The following SHROOM4 variants were observed in gnomAD, a reference collection of about 807,000 sequenced individuals.
The protein encoded by SHROOM4 is shroom family member 4.
SHROOM4 carries 17 observed loss-of-function variants against 80.3 expected under a neutral mutation model. That is an observed-to-expected ratio of 0.21 (90% CI 0.14 to 0.32). The LOEUF is 0.32. SHROOM4 is among the 10% of genes least tolerant of loss of function. SHROOM4 has a pLI of 1.00. For missense variants in SHROOM4, 993 were observed against 1,140.3 expected, an observed-to-expected ratio of 0.87 and a Z score of 1.86; for synonymous variants, 400 against 437.5, an observed-to-expected ratio of 0.91 and a Z score of 1.07.
chrX:50,672,114 A>T (rs1557260861), intron 2 of SHROOM4, among the ~76,000 whole-genome samples: 1 of 112,247 alleles, frequency 8.9e-6, no homozygotes, highest in Non-Finnish European at 1.9e-5. Flanking sequence ...TGACAGTTTG[A>T]CATCAATTCA....
rs781811456 is a variant in SHROOM4, at chrX:50,741,025, A to T, written c.118-45088T>A. 1.1e-4 allele frequency among the ~76,000 whole-genome samples: 12 copies of T among 111,240 alleles called. No individual in the cohort carries two copies. The East Asian group carries it at 3.4e-3, about 32-fold the overall frequency. On this transcript the variant is annotated intron_variant, in intron 1 of 8. Coordinates refer to ENST00000376020, the MANE Select transcript of SHROOM4 (RefSeq NM_020717.5). Reference sequence around the variant, plus strand: ...CTGTATGTGGACAACCAGTTTTCCCAACATCATTTATTGAAGAAACTGTCC... The same window carrying T: ...CTGTATGTGGACAACCAGTTTTCCCTACATCATTTATTGAAGAAACTGTCC...
At chrX:50,792,059 A>G (rs1044961532) in intron 1 of SHROOM4, among the ~76,000 whole-genome samples, 1 of 112,068 alleles carries the variant, frequency 8.9e-6, no homozygotes, top group Non-Finnish European at 1.9e-5. Context: ...TGTAGAAGAA[A>G]ATGTGAGGGA....
chrX:50,743,552 A>T (rs1557267409), intron 1 of SHROOM4, among the ~76,000 whole-genome samples: 1 of 110,340 alleles, frequency 9.1e-6, no homozygotes, highest in African/African-American at 3.3e-5. Flanking sequence ...ACCCGGGCTC[A>T]AGCGACCCCC....
At chrX:50,667,263 A>G (rs1481790724) in intron 2 of SHROOM4, among the ~76,000 whole-genome samples, 3 of 112,045 alleles carry the variant, frequency 2.7e-5, no homozygotes, top group Non-Finnish European at 3.8e-5. Context: ...GGTGAGGCAT[A>G]TTCAACATCT....
intron 1 of SHROOM4, among the ~76,000 whole-genome samples, chrX:50,728,126 G>A (rs1231150683): frequency 1.8e-5 from 2 of 111,293 alleles, no homozygotes; most frequent in African/African-American, 6.5e-5. Flanking sequence ...TTGGGAGGCT[G>A]AGGTGGGCGG....
At chrX:50,769,690 G>A (rs1051740084) in intron 1 of SHROOM4, among the ~76,000 whole-genome samples, 1 of 111,403 alleles carries the variant, frequency 9.0e-6, no homozygotes, top group African/African-American at 3.3e-5. Context: ...GAGTCTGTAG[G>A]GCCATCAATA....
At chrX:50,668,071 TC>T (rs1453402054) in intron 2 of SHROOM4, among the ~76,000 whole-genome samples, 5 of 112,013 alleles carry the variant, frequency 4.5e-5, no homozygotes, top group African/African-American at 1.6e-4. Context: ...TAATAAGGTG[TC>T]GCAAATCTCC....
At chrX:50,807,709 T>C (rs1417985121) in intron 1 of SHROOM4, among the ~76,000 whole-genome samples, 2 of 111,426 alleles carry the variant, frequency 1.8e-5, no homozygotes. Flanking sequence ...TCCCCTACGA[T>C]GCATTTACCA....
intron 1 of SHROOM4, among the ~76,000 whole-genome samples, chrX:50,809,885 G>A (rs1425384738): frequency 3.6e-5 from 4 of 112,138 alleles, no homozygotes; most frequent in Non-Finnish European, 7.5e-5. Context: ...CCAATGTCAT[G>A]GGCCCTATTC....
At chrX:50,726,911 G>A (rs1259839695) in intron 1 of SHROOM4, among the ~76,000 whole-genome samples, 1 of 112,518 alleles carries the variant, frequency 8.9e-6, no homozygotes, top group Non-Finnish European at 1.9e-5. Context: ...CCAGACCCCA[G>A]AATGGTAGAT....
At chrX:50,751,149 A>G (rs782518336) in intron 1 of SHROOM4, among the ~76,000 whole-genome samples, 69 of 112,227 alleles carry the variant, frequency 6.1e-4, no homozygotes, top group Non-Finnish European at 8.3e-4. Context: ...CTATGAAACA[A>G]TGATAGAATC....
At position 50,787,238 on chromosome X, in the gene SHROOM4, A is replaced by C. The variant is rs188474625; in HGVS notation, c.117+26664T>G. Reference sequence around the variant, plus strand: ...TGTCTCAAAAAAGAAAAAAAAAAAAACAGAAATCTTGGAGCTGAAGAATAT... The same window carrying C: ...TGTCTCAAAAAAGAAAAAAAAAAAACCAGAAATCTTGGAGCTGAAGAATAT... On this transcript the variant is annotated intron_variant, in intron 1 of 8. Coordinates refer to ENST00000376020, the MANE Select transcript of SHROOM4 (RefSeq NM_020717.5). Among the ~76,000 whole-genome samples the C allele has an allele frequency of 4.8e-4, 53 of 110,050 alleles. No individual in the cohort carries two copies. In the East Asian group the frequency reaches 0.014, roughly 30 times the overall value.
At chrX:50,803,512 C>T (rs1258976571) in intron 1 of SHROOM4, among the ~76,000 whole-genome samples, 2 of 111,781 alleles carry the variant, frequency 1.8e-5, no homozygotes, top group Non-Finnish European at 3.8e-5. Flanking sequence ...CTGGAATCAA[C>T]GTCCTTCTTC....
intron 2 of SHROOM4, among the ~76,000 whole-genome samples, chrX:50,649,056 G>A: frequency 8.9e-6 from 1 of 112,064 alleles, no homozygotes; most frequent in East Asian, 2.8e-4. Flanking sequence ...AGTGGGGATG[G>A]AGCAGAAAGG....
chrX:50,611,144 C>CTTTTTTTTTTTTTTTT (rs782473243), intron 5 of SHROOM4, among the ~76,000 whole-genome samples: 10 of 68,204 alleles, frequency 1.5e-4, no homozygotes, highest in Non-Finnish European at 2.1e-4. Context: ...TTCTTTTTTT[C>CTTTTTTTTTTTTTTTT]TTTTTTTTTT....
intron 2 of SHROOM4, among the ~76,000 whole-genome samples, chrX:50,644,962 T>C (rs1270666904): frequency 7.1e-5 from 8 of 112,232 alleles, no homozygotes; most frequent in African/African-American, 2.6e-4. Flanking sequence ...ATTACCCGTA[T>C]GCAAAATAAT....
At chrX:50,616,357 T>G (rs1282166756) in intron 5 of SHROOM4, among the ~76,000 whole-genome samples, 9 of 111,924 alleles carry the variant, frequency 8.0e-5, no homozygotes, top group African/African-American at 2.9e-4. Context: ...CTACCCTTTT[T>G]TTTTGACTGG....
chrX:50,795,703 G>A (rs1935997134), intron 1 of SHROOM4, among the ~76,000 whole-genome samples: 1 of 111,785 alleles, frequency 8.9e-6, no homozygotes, highest in Non-Finnish European at 1.9e-5. Context: ...ACTGTGTATG[G>A]CAGTGATTAT....
At chrX:50,577,010 A>T in the SHROOM4 span, among the ~76,000 whole-genome samples, 2 of 112,260 alleles carry the variant, frequency 1.8e-5, no homozygotes, top group Non-Finnish European at 3.8e-5. Flanking sequence ...ATTTACCCAT[A>T]TTTTAACTCT....
Sources: allele counts gnomAD v4.1 joint callset (sites outside exome capture counted in the v4.1 genomes callset), GRCh38; gene constraint gnomAD v4.1.1; transcripts MANE v1.5; gene names NCBI Gene and HGNC (gene_info 2026-07-23, HGNC 2026-07-21).